The following MMP28 variants were observed in gnomAD, a reference collection of about 807,000 sequenced individuals.
MMP28 encodes the protein matrix metallopeptidase 28.
In MMP28, 55 loss-of-function variants were observed where a neutral mutation model predicts 60.5. The ratio of observed to expected loss-of-function variants is 0.91; its 90% CI spans 0.73 to 1.14. The LOEUF (loss-of-function observed/expected upper bound fraction) is 1.14, where lower values mean the gene tolerates loss of function less well. Ranked by LOEUF, MMP28 falls within the 50% of genes most tolerant of loss-of-function variation. The pLI is 0.00. For synonymous variants in MMP28, 318 were observed against 312.5 expected (o/e 1.02, Z -0.18); for missense variants, 686 against 738.3 (o/e 0.93, Z 0.82).
chr17:35,768,479 A>C, intron 5 of MMP28, 100 bp from the exon 6 acceptor site: 7 of 982,040 alleles, frequency 7.1e-6, no homozygotes, highest in South Asian at 2.0e-5. Flanking sequence ...TGATTATCTA[A>C]TATGAGGGGC....
chr17:35,768,843 T>C (rs2143206315), intron 5 of MMP28, among the ~76,000 whole-genome samples: 1 of 152,198 alleles, frequency 6.6e-6, no homozygotes, highest in South Asian at 2.1e-4. Flanking sequence ...TCCTGGTTGT[T>C]GGTGCTAACC....
At chr17:35,767,663 G>A in intron 7 of MMP28, 89 bp downstream of exon 7, 1 of 1,459,666 alleles carries the variant, frequency 6.9e-7, no homozygotes, top group South Asian at 1.3e-5. Flanking sequence ...TCGTGTGAGA[G>A]TCTTCCCCTC....
At chr17:35,765,579 C>T (rs758393182), downstream of MMP28, among the ~76,000 whole-genome samples, 2 of 152,254 alleles carry the variant, frequency 1.3e-5, no homozygotes, top group Non-Finnish European at 2.9e-5. Flanking sequence ...GCCTGCAGGG[C>T]TGCCTGTTGT....
chr17:35,767,641 T>A (rs952945201), intron 7 of MMP28, 111 bp downstream of exon 7: 1 of 1,298,544 alleles, frequency 7.7e-7, no homozygotes, highest in South Asian at 1.4e-5. Flanking sequence ...GAATGGAGAC[T>A]CCACCATGGA....
rs1047276398 is a variant in MMP28, at chr17:35,788,951, T to C, written c.111+6316A>G. Among the ~76,000 whole-genome samples the C allele has an allele frequency of 1.7e-4, 26 of 152,218 alleles. 1 individual carries two copies. The highest frequency in any genetic ancestry group is 3.1e-4 in the Non-Finnish European group (21 of 68,038). ...CTCAATCTTGCAACTCAGCAGAGCA[T>C]GCTCTTCCTACTTACTAGTGCTGTG... On this transcript the variant is annotated intron_variant, in intron 1 of 7. Coordinates refer to ENST00000605424, the MANE Select transcript of MMP28 (RefSeq NM_024302.5).
chr17:35,770,054 C>G lies in MMP28; in HGVS notation c.850+13G>C. 6.5e-7 allele frequency: 1 copy of G among 1,544,232 alleles called. No individual in the cohort carries two copies. Among genetic ancestry groups the G allele is most frequent in the Non-Finnish European group, 8.7e-7 (1 of 1,145,350 alleles). ...GAGTGGGACCAAGAGCGGGGCATGT[C>G]CCGGGGCCTCACCATACAGGCTCTG... On this transcript the variant is annotated intron_variant, in intron 5 of 7. Coordinates refer to ENST00000605424, the MANE Select transcript of MMP28 (RefSeq NM_024302.5).
At position 35,770,319 on chromosome 17, in the gene MMP28, G is replaced by T; in HGVS notation, c.605-7C>A. The T allele has an allele frequency of 1.3e-6, 2 of 1,500,540 alleles. No homozygotes were observed. Among genetic ancestry groups the T allele is most frequent in the Non-Finnish European group, 1.8e-6 (2 of 1,133,516 alleles). The allele number at this position is 1,500,540 out of a possible 1,614,324, so 93.0% of individuals were successfully genotyped here. On this transcript the variant is annotated splice_polypyrimidine_tract_variant and splice_region_variant and intron_variant, in intron 4 of 7. Transcript: ENST00000605424. Reference sequence around the variant, plus strand: ...GCGTGCGCCAGGGCGCCCCCTGCAGGTGGGGCAGAAGGTCAGGGGGTGCCA... The same window carrying T: ...GCGTGCGCCAGGGCGCCCCCTGCAGTTGGGGCAGAAGGTCAGGGGGTGCCA...
chr17:35,779,776 T>G (rs1180313072), intron 1 of MMP28, among the ~76,000 whole-genome samples: 1 of 152,154 alleles, frequency 6.6e-6, no homozygotes, highest in Non-Finnish European at 1.5e-5. Context: ...GGTTTTTTTG[T>G]GTGTGTGAGG....
chr17:35,780,836 A>G (rs2086477078), intron 1 of MMP28, among the ~76,000 whole-genome samples: 1 of 150,442 alleles, frequency 6.6e-6, no homozygotes, highest in Non-Finnish European at 1.5e-5. Context: ...CCCTGTCTCG[A>G]AAAGAAAAAA....
At chr17:35,760,948 A>T (rs782651514), downstream of MMP28, 1 of 1,613,688 alleles carries the variant, frequency 6.2e-7, no homozygotes, top group East Asian at 2.2e-5. Context: ...AAGAATGGAT[A>T]AGCATGGTGA....
chr17:35,763,941 T>C (rs587620515), downstream of MMP28: 1 of 1,158,184 alleles, frequency 8.6e-7, no homozygotes, highest in African/African-American at 1.6e-5. Context: ...AATAAATACA[T>C]GAAAAATTAT....
chr17:35,764,495 T>G, downstream of MMP28: 2 of 1,584,210 alleles, frequency 1.3e-6, no homozygotes, highest in Non-Finnish European at 1.7e-6. Flanking sequence ...GCGGGGGCTG[T>G]GCTTGCTGCG....
At chr17:35,764,505 G>A (rs1555602382), downstream of MMP28, 1 of 1,587,988 alleles carries the variant, frequency 6.3e-7, no homozygotes, top group East Asian at 2.5e-5. Context: ...TGCTTGCTGC[G>A]AGCTCCTCTT....
downstream of MMP28, chr17:35,764,702 C>G (rs1366651563): frequency 7.1e-7 from 1 of 1,410,390 alleles, no homozygotes; most frequent in Non-Finnish European, 9.4e-7. Context: ...AGCGCGGAGC[C>G]CTCTTCGACG....
chr17:35,761,587 G>C (rs1555601523), downstream of MMP28, among the ~76,000 whole-genome samples: 3 of 151,970 alleles, frequency 2.0e-5, no homozygotes, highest in African/African-American at 7.3e-5. Flanking sequence ...CTCCAGAATA[G>C]TCTTAACATC....
At chr17:35,780,566 G>A (rs2086468277) in intron 1 of MMP28, among the ~76,000 whole-genome samples, 1 of 152,142 alleles carries the variant, frequency 6.6e-6, no homozygotes, top group African/African-American at 2.4e-5. Context: ...CAGGCACAGT[G>A]GCTCACGCCT....
At chr17:35,775,542 C>A (rs2086300476) in intron 3 of MMP28, among the ~76,000 whole-genome samples, 1 of 152,230 alleles carries the variant, frequency 6.6e-6, no homozygotes, top group South Asian at 2.1e-4. Flanking sequence ...CAGCAGGGAA[C>A]TGACACTGTG....
At chr17:35,774,771 G>A (rs961198232) in intron 3 of MMP28, among the ~76,000 whole-genome samples, 1 of 152,192 alleles carries the variant, frequency 6.6e-6, no homozygotes, top group Non-Finnish European at 1.5e-5. Context: ...TTAACGAGGA[G>A]AGAGGGAATG....
At chr17:35,795,146 G>A (rs964685060) in intron 1 of MMP28, 121 bp downstream of exon 1, 5 of 596,042 alleles carry the variant, frequency 8.4e-6, no homozygotes, top group Non-Finnish European at 1.3e-5. Flanking sequence ...GAAGGGGGCG[G>A]AGGACAGGGG....
Sources: gnomAD v4.1 joint callset for allele counts (sites outside exome capture counted in the v4.1 genomes callset) on GRCh38, gnomAD v4.1.1 for gene constraint, MANE v1.5 for transcripts, NCBI Gene and HGNC (gene_info 2026-07-23, HGNC 2026-07-21) for gene names.